Variants in SMARCC1 observed in about 807,000 individuals in gnomAD.
SMARCC1 encodes the protein SWI/SNF related BAF chromatin remodeling complex subunit C1, also known as SWI/SNF complex subunit SMARCC1.
A neutral mutation model predicts 147.4 loss-of-function variants in SMARCC1; 43 were observed. The observed-to-expected ratio is 0.29, with a 90% CI of 0.23 to 0.38. The LOEUF (loss-of-function observed/expected upper bound fraction) is 0.38. Among genes scored for constraint, SMARCC1 ranks in the 10% least tolerant of loss-of-function variants. The pLI, the probability that SMARCC1 is intolerant of heterozygous loss-of-function variation, is 1.00. For missense variants in SMARCC1, 1,119 were observed against 1,381.1 expected, an observed-to-expected ratio of 0.81 and a Z score of 3.01; for synonymous variants, 495 against 484.4, an observed-to-expected ratio of 1.02 and a Z score of -0.29.
At chr3:47,697,104 T>C (rs2033862279) in intron 11 of SMARCC1, among the ~76,000 whole-genome samples, 1 of 152,130 alleles carries the variant, frequency 6.6e-6, no homozygotes, top group Non-Finnish European at 1.5e-5. Context: ...GTAGATTGCT[T>C]GAGCTCAGGA....
At chr3:47,643,578 C>A (rs2033080565) in intron 21 of SMARCC1, among the ~76,000 whole-genome samples, 1 of 151,174 alleles carries the variant, frequency 6.6e-6, no homozygotes, top group African/African-American at 2.4e-5. Context: ...TTTAGAGGTC[C>A]AAGAAAAAAA....
chr3:47,653,485 C>T (rs1189672208), intron 21 of SMARCC1, among the ~76,000 whole-genome samples: 4 of 152,166 alleles, frequency 2.6e-5, no homozygotes, highest in African/African-American at 7.2e-5. Context: ...CCCAAGTACA[C>T]TATTATCTTG....
intron 2 of SMARCC1, among the ~76,000 whole-genome samples, chr3:47,762,486 C>T (rs542134908): frequency 6.6e-6 from 1 of 152,350 alleles, no homozygotes; most frequent in East Asian, 1.9e-4. Flanking sequence ...TGAACTGTGA[C>T]TCATCTAAAA....
rs760327221 is a variant in SMARCC1, at chr3:47,781,595, G to T, written c.195+8C>A. 2 of 1,515,318 alleles carry T rather than the reference G, an allele frequency of 1.3e-6. No individual in the cohort carries two copies. The highest frequency in any genetic ancestry group is 1.4e-5 in the African/African-American group (1 of 69,066). The allele number at this position is 1,515,318 out of a possible 1,614,324, so 93.9% of individuals were successfully genotyped here. ...GGTCTCCCGGCCCCCACGGGCGCGC[G>T]AACCCACCTTCTTGTAGTGCTTGCC... On this transcript the variant is annotated splice_region_variant and intron_variant, in intron 1 of 27. Transcript: ENST00000254480.
At chr3:47,598,204 C>G (rs529251145) in intron 26 of SMARCC1, among the ~76,000 whole-genome samples, 21 of 152,250 alleles carry the variant, frequency 1.4e-4, no homozygotes, top group African/African-American at 4.8e-4. Context: ...TAATGATTCT[C>G]TAATGGTATT....
intron 2 of SMARCC1, among the ~76,000 whole-genome samples, chr3:47,769,374 G>A (rs1216866348): frequency 6.6e-6 from 1 of 151,180 alleles, no homozygotes; most frequent in Non-Finnish European, 1.5e-5. Flanking sequence ...AAATTAGCCG[G>A]GCGCAGTGGC....
chr3:47,781,229 A>G (rs910225948), intron 1 of SMARCC1, among the ~76,000 whole-genome samples: 2 of 152,248 alleles, frequency 1.3e-5, no homozygotes, highest in Admixed American at 6.5e-5. Context: ...AATACGCTCT[A>G]AACAAAACTT....
At chr3:47,601,581 G>T (rs990634119) in intron 26 of SMARCC1, 1 of 151,940 alleles carries the variant, frequency 6.6e-6, no homozygotes, top group Non-Finnish European at 1.5e-5. Flanking sequence ...CTTTGTGAGG[G>T]TAACCTGCTA....
intron 26 of SMARCC1, among the ~76,000 whole-genome samples, chr3:47,597,828 G>C (rs2032315957): frequency 6.6e-6 from 1 of 152,224 alleles, no homozygotes; most frequent in African/African-American, 2.4e-5. Flanking sequence ...CGAGCATGGA[G>C]CTGAGATGGA....
chr3:47,734,404 G>A (rs944090093), intron 5 of SMARCC1, among the ~76,000 whole-genome samples: 5 of 152,082 alleles, frequency 3.3e-5, no homozygotes, highest in South Asian at 2.1e-4. Flanking sequence ...ATAATTGTAC[G>A]CAGTATTAGA....
At chr3:47,631,386 TG>T (rs750615429) in intron 24 of SMARCC1, among the ~76,000 whole-genome samples, 2 of 152,206 alleles carry the variant, frequency 1.3e-5, no homozygotes, top group East Asian at 3.8e-4. Flanking sequence ...TCTGCTTTCT[TG>T]GAAGAACTGA....
intron 24 of SMARCC1, among the ~76,000 whole-genome samples, chr3:47,629,582 G>C (rs1045041520): frequency 5.3e-5 from 8 of 152,118 alleles, no homozygotes; most frequent in African/African-American, 1.9e-4. Context: ...TGCTACTTGT[G>C]ACATTCTTCT....
chr3:47,678,308 G>A lies in SMARCC1; in HGVS notation c.1461C>T (p.Tyr487=). 4 of 1,565,856 alleles carry A rather than the reference G, an allele frequency of 2.6e-6. No individual in the cohort carries two copies. The South Asian group carries it at 4.6e-5, about 18-fold the overall frequency. The change falls in exon 16 of 28, where the codon TAC becomes TAT. Residue 487 remains tyrosine (Y), a synonymous_variant. Coordinates refer to ENST00000254480, the MANE Select transcript of SMARCC1 (RefSeq NM_003074.4). ...CAATCATAAAATTTCGATATGCCAA[G>A]TATCTAAAAAGCAATGGCAAAATTC... The part of the protein sequence containing the change: ...GKNKSKTPEI[Y]LAYRNFMIDT...
chr3:47,637,023 A>T (rs2032979943), intron 22 of SMARCC1, among the ~76,000 whole-genome samples: 1 of 152,148 alleles, frequency 6.6e-6, no homozygotes. Context: ...AAAAAACCGC[A>T]ACTGACTATC....
At chr3:47,718,335 C>T (rs1352220075) in intron 7 of SMARCC1, among the ~76,000 whole-genome samples, 1 of 151,912 alleles carries the variant, frequency 6.6e-6, no homozygotes, top group Non-Finnish European at 1.5e-5. Context: ...ATCCCAGCTA[C>T]TCAGGAGGCT....
chr3:47,600,997 A>AAGAGAGAGAGAGAG (rs1559622849), intron 26 of SMARCC1, among the ~76,000 whole-genome samples: 10 of 28,876 alleles, frequency 3.5e-4, no homozygotes, highest in Admixed American at 5.5e-4. Flanking sequence ...GAGGAAGAAA[A>AAGAGAGAGAGAGAG]TGAGAGAGAG....
intron 26 of SMARCC1, among the ~76,000 whole-genome samples, chr3:47,597,223 C>T (rs988386524): frequency 6.6e-6 from 1 of 152,024 alleles, no homozygotes; most frequent in African/African-American, 2.4e-5. Flanking sequence ...GTGGTATGGT[C>T]ATAGCTCACT....
intron 14 of SMARCC1, among the ~76,000 whole-genome samples, chr3:47,685,542 G>C (rs1349635979): frequency 6.7e-6 from 1 of 149,614 alleles, no homozygotes; most frequent in East Asian, 2.0e-4. Context: ...TTCAATCCCT[G>C]AATTGTTTTT....
intron 1 of SMARCC1, among the ~76,000 whole-genome samples, chr3:47,777,266 A>G (rs1401969448): frequency 6.6e-6 from 1 of 150,496 alleles, no homozygotes; most frequent in African/African-American, 2.4e-5. Flanking sequence ...TATTTTTGGT[A>G]GAGACGGGGT....
Sources: gnomAD v4.1 joint callset for allele counts (sites outside exome capture counted in the v4.1 genomes callset) on GRCh38, gnomAD v4.1.1 for gene constraint, MANE v1.5 for transcripts, NCBI Gene and HGNC (gene_info 2026-07-23, HGNC 2026-07-21) for gene names.